The following JMJD6 variants were observed in gnomAD, a reference collection of about 807,000 sequenced individuals.
JMJD6 encodes the protein jumonji domain containing 6, arginine demethylase and lysine hydroxylase, also known as bifunctional arginine demethylase and lysyl-hydroxylase JMJD6.
JMJD6 carries 17 observed loss-of-function variants against 45.8 expected under a neutral mutation model. The observed-to-expected ratio is 0.37, with a 90% CI of 0.25 to 0.56. The LOEUF is 0.56. Among genes scored for constraint, JMJD6 ranks in the 20% least tolerant of loss-of-function variants. The pLI is 0.79. For missense variants in JMJD6, 470 were observed against 517.5 expected, an observed-to-expected ratio of 0.91 and a Z score of 0.89; for synonymous variants, 221 against 196.3, an observed-to-expected ratio of 1.13 and a Z score of -1.05.
intron 5 of JMJD6, 65 bp downstream of exon 5, chr17:76,720,295 C>T: frequency 6.8e-7 from 1 of 1,471,392 alleles, no homozygotes; most frequent in African/African-American, 1.4e-5. Flanking sequence ...AGAGTCACAC[C>T]TGGTTATGAC....
chr17:76,721,382 C>T (rs1309152855), intron 4 of JMJD6: 2 of 394,842 alleles, frequency 5.1e-6, no homozygotes, highest in Admixed American at 5.5e-5. Flanking sequence ...GGAGCTAAGT[C>T]TCCAGGGCAG....
chr17:76,724,972 C>A (rs550007111), intron 2 of JMJD6, among the ~76,000 whole-genome samples: 1 of 152,180 alleles, frequency 6.6e-6, no homozygotes, highest in African/African-American at 2.4e-5. Context: ...AGGCATCACC[C>A]GAATTAAATC....
chr17:76,718,462 T>G lies in JMJD6; in HGVS notation c.*267A>C. 7.6e-7 allele frequency: 1 copy of G among 1,315,208 alleles called. No homozygotes were observed. The allele number at this position is 1,315,208 out of a possible 1,614,324, so 81.5% of individuals were successfully genotyped here. ...AAACATTTCCAAGATAGAAAATGGA[T>G]TCAATTTTTATTAAATAATGTAAAG... On this transcript the variant is annotated 3_prime_UTR_variant, in exon 6 of 6. Transcript: ENST00000397625.
At chr17:76,724,972 C>T (rs550007111) in intron 2 of JMJD6, among the ~76,000 whole-genome samples, 1 of 152,180 alleles carries the variant, frequency 6.6e-6, no homozygotes, top group Non-Finnish European at 1.5e-5. Flanking sequence ...AGGCATCACC[C>T]GAATTAAATC....
chr17:76,718,955 T>C, intron 5 of JMJD6, 95 bp from the exon 6 acceptor site: 1 of 1,251,774 alleles, frequency 8.0e-7, no homozygotes, highest in Non-Finnish European at 1.1e-6. Context: ...GCACAGATAT[T>C]GGTCACTTTC....
chr17:76,713,857 C>T (rs891672383), downstream of JMJD6: 10 of 152,304 alleles, frequency 6.6e-5, no homozygotes, highest in South Asian at 4.1e-4. Flanking sequence ...TCCGTTACAC[C>T]TGCATTTAAG....
At chr17:76,716,837 G>A, downstream of JMJD6, 1 of 975,742 alleles carries the variant, frequency 1.0e-6, no homozygotes, top group Non-Finnish European at 1.6e-6. Context: ...AGTCATGGCA[G>A]GGCTTTCTCC....
chr17:76,714,675 C>G (rs2076752156), downstream of JMJD6: 1 of 152,296 alleles, frequency 6.6e-6, no homozygotes, highest in African/African-American at 2.4e-5. Flanking sequence ...AGAATCTGTA[C>G]TATCCAGACA....
chr17:76,720,734 C>T (rs1019559006), intron 4 of JMJD6: 26 of 396,680 alleles, frequency 6.6e-5, no homozygotes, highest in Admixed American at 4.8e-4. Context: ...CAATTTACTA[C>T]CACCTGCATA....
chr17:76,712,881 A>G (rs1313449884), exon 7 of JMJD6: 1 of 152,240 alleles, frequency 6.6e-6, no homozygotes, highest in African/African-American at 2.4e-5. Flanking sequence ...AGTTTCACCC[A>G]AGTGAAAGTT....
Position 76,720,691 on chromosome 17 carries a change from T to G in JMJD6, c.942-193A>C, listed in dbSNP as rs139639124. The G allele has an allele frequency of 5.9e-4, 295 of 500,224 alleles. 1 individual carries two copies. The highest frequency in any genetic ancestry group is 3.8e-3 in the East Asian group (132 of 34,286). 31.0% of individuals were successfully genotyped at this position (500,224 alleles called of 1,614,324 possible). On this transcript the variant is annotated intron_variant, in intron 4 of 5. Transcript: ENST00000397625. Reference sequence around the variant, plus strand: ...AGAGAAACCCAATACGGTGCCCATGTTTTTCTGCAAGGAAAATTATACTAA... The same window carrying G: ...AGAGAAACCCAATACGGTGCCCATGGTTTTCTGCAAGGAAAATTATACTAA...
chr17:76,718,598 C>T lies in JMJD6; in HGVS notation c.*131G>A, dbSNP rs771172953. 4.1e-6 allele frequency: 6 copies of T among 1,461,004 alleles called. No individual in the cohort carries two copies. Among genetic ancestry groups the T allele is most frequent in the African/African-American group, 2.9e-5 (2 of 69,922 alleles). 90.5% of individuals were successfully genotyped at this position (1,461,004 alleles called of 1,614,324 possible). A position where few individuals can be genotyped will look rare whatever the true frequency, so the allele number is the denominator to read the frequency against. On this transcript the variant is annotated 3_prime_UTR_variant, in exon 6 of 6. Coordinates refer to ENST00000397625, the MANE Select transcript of JMJD6 (RefSeq NM_015167.3). ...AGCAAACGCTAAGTGAATGGGTTCC[C>T]GTGCCGAGGGTGTCCTCATTCTTGG...
intron 5 of JMJD6, 36 bp from the exon 6 acceptor site, chr17:76,718,896 T>G: frequency 2.5e-6 from 4 of 1,601,198 alleles, no homozygotes; most frequent in Non-Finnish European, 3.4e-6. Flanking sequence ...GGAGTCAACC[T>G]GGATGCAACC....
At chr17:76,719,683 A>C (rs1297252863) in intron 5 of JMJD6, among the ~76,000 whole-genome samples, 2 of 152,228 alleles carry the variant, frequency 1.3e-5, no homozygotes, top group Admixed American at 1.3e-4. Flanking sequence ...CTGAATTTCC[A>C]GGCTTACAAT....
At chr17:76,723,637 TTCACCGTG>T (rs1006058002) in intron 3 of JMJD6, 127 bp downstream of exon 3, 33 of 816,928 alleles carry the variant, frequency 4.0e-5, no homozygotes, top group Non-Finnish European at 6.4e-5. Context: ...GAGACGGGGT[TTCACCGTG>T]TTAGCAAGGA....
intron 4 of JMJD6, 133 bp from the exon 5 acceptor site, chr17:76,720,631 T>C: frequency 1.2e-6 from 1 of 805,962 alleles, no homozygotes; most frequent in East Asian, 2.5e-5. Flanking sequence ...ATGGATACTG[T>C]ACAATGGTGA....
At chr17:76,725,018 C>G (rs1002211918) in intron 2 of JMJD6, among the ~76,000 whole-genome samples, 1 of 152,120 alleles carries the variant, frequency 6.6e-6, no homozygotes, top group Admixed American at 6.5e-5. Context: ...GCCTCAGGAG[C>G]CCCCTAAATG....
chr17:76,722,786 T>C (rs1190646873), intron 3 of JMJD6, among the ~76,000 whole-genome samples: 1 of 128,864 alleles, frequency 7.8e-6, no homozygotes. Context: ...GAGGAGGTTG[T>C]AGTGGGCTGA....
At chr17:76,717,665 C>G (rs1188816247), downstream of JMJD6, among the ~76,000 whole-genome samples, 2 of 151,682 alleles carry the variant, frequency 1.3e-5, no homozygotes, top group Non-Finnish European at 2.9e-5. Flanking sequence ...CTGGGCAACA[C>G]AGAGAGACTT....
Sources: allele counts gnomAD v4.1 joint callset (sites outside exome capture counted in the v4.1 genomes callset), GRCh38; gene constraint gnomAD v4.1.1; transcripts MANE v1.5; gene names NCBI Gene and HGNC (gene_info 2026-07-23, HGNC 2026-07-21).